The following DNAJB6 variants were observed in gnomAD, a reference collection of about 807,000 sequenced individuals.
The protein encoded by DNAJB6 is dnaJ homolog subfamily B member 6.
DNAJB6 carries 16 observed loss-of-function variants against 42.7 expected under a neutral mutation model. That is an observed-to-expected ratio of 0.37 (90% confidence interval 0.25 to 0.57). The LOEUF (loss-of-function observed/expected upper bound fraction) is 0.57, where lower values mean the gene tolerates loss of function less well. Ranked by LOEUF, DNAJB6 falls within the 20% of genes least tolerant of loss-of-function variation. DNAJB6 has a pLI of 0.74. For missense variants in DNAJB6, 347 were observed against 416.8 expected (o/e 0.83, Z 1.46); for synonymous variants, 170 against 163.5 (o/e 1.04, Z -0.30).
chr7:157,388,646 G>C (rs919789956), intron 8 of DNAJB6, among the ~76,000 whole-genome samples: 4 of 150,002 alleles, frequency 2.7e-5, no homozygotes, highest in South Asian at 2.1e-4. Flanking sequence ...TTTGGGGGGG[G>C]GGTAAGTGGT....
At chr7:157,348,401 T>C (rs1406797238) in intron 1 of DNAJB6, among the ~76,000 whole-genome samples, 1 of 152,222 alleles carries the variant, frequency 6.6e-6, no homozygotes. Flanking sequence ...GTCTTATTTT[T>C]TAATATTGCC....
chr7:157,394,589 T>C (rs1801497292), intron 8 of DNAJB6, among the ~76,000 whole-genome samples: 1 of 152,228 alleles, frequency 6.6e-6, no homozygotes, highest in Admixed American at 6.5e-5. Flanking sequence ...GGCCTCACTT[T>C]TTCCTCCTCT....
At chr7:157,393,384 G>C (rs1801439849) in intron 8 of DNAJB6, among the ~76,000 whole-genome samples, 1 of 152,042 alleles carries the variant, frequency 6.6e-6, no homozygotes, top group South Asian at 2.1e-4. Flanking sequence ...AAGTATTTTT[G>C]TCTTGTTTTC....
At chr7:157,353,601 G>GTGTT (rs1799117627) in intron 1 of DNAJB6, among the ~76,000 whole-genome samples, 1 of 147,440 alleles carries the variant, frequency 6.8e-6, no homozygotes, top group Admixed American at 6.8e-5. Context: ...GTGTGTGTGT[G>GTGTT]TGTGTGTGTG....
chr7:157,406,635 C>T (rs1430363269), intron 8 of DNAJB6, among the ~76,000 whole-genome samples: 1 of 152,106 alleles, frequency 6.6e-6, no homozygotes, highest in African/African-American at 2.4e-5. Flanking sequence ...TGGATGTGGC[C>T]GTGGAGCCTG....
At chr7:157,351,839 A>C (rs980091360) in intron 1 of DNAJB6, among the ~76,000 whole-genome samples, 3 of 151,306 alleles carry the variant, frequency 2.0e-5, no homozygotes, top group African/African-American at 7.3e-5. Flanking sequence ...AAAAAACCAC[A>C]AAAAATTAGT....
rs869242320 is a variant in DNAJB6, at chr7:157,395,684, C to CTTTT, written c.691+10088_691+10091dup. On this transcript the variant is annotated intron_variant, in intron 8 of 9. Coordinates refer to ENST00000262177, the MANE Select transcript of DNAJB6 (RefSeq NM_058246.4). Reference sequence around the variant, plus strand: ...ACATTCATTCTACGTTTTTTCTTTTCTTTTTTTTTTTTTTTTTTGAGACGG... The same window carrying CTTTT: ...ACATTCATTCTACGTTTTTTCTTTTCTTTTTTTTTTTTTTTTTTTTTTGAGACGG... 1.1e-4 allele frequency among the ~76,000 whole-genome samples: 15 copies of CTTTT among 131,878 alleles called. No individual in the cohort carries two copies. In the East Asian group the frequency reaches 2.0e-3, roughly 17 times the overall value. 86.5% of individuals were successfully genotyped at this position (131,878 alleles called of 152,430 possible). A position where few individuals can be genotyped will look rare whatever the true frequency, so the allele number is the denominator to read the frequency against.
chr7:157,400,185 C>G (rs1477571941), intron 8 of DNAJB6, among the ~76,000 whole-genome samples: 3 of 93,464 alleles, frequency 3.2e-5, no homozygotes, highest in Non-Finnish European at 6.1e-5. Flanking sequence ...AAAGCAAGTT[C>G]TAGGGAAGTG....
In DNAJB6 at chr7:157,357,225, TC is replaced by T; in HGVS notation, c.-26-1320del. ...TGTGATACTGTTGTCCTTCCTTCCT[TC>T]CTTCCTTCCTTCCTTCCTTCCTTCC... On this transcript the variant is annotated intron_variant, in intron 1 of 9. Transcript: ENST00000262177. Among the ~76,000 whole-genome samples, 3 of 72,902 alleles carry T rather than the reference TC, an allele frequency of 4.1e-5. 1 individual carries two copies. Among genetic ancestry groups the T allele is most frequent in the African/African-American group, 1.4e-4 (3 of 21,734 alleles). 47.8% of individuals were successfully genotyped at this position (72,902 alleles called of 152,430 possible).
chr7:157,363,927 CAG>C (rs1799726886), intron 3 of DNAJB6, among the ~76,000 whole-genome samples: 2 of 152,122 alleles, frequency 1.3e-5, no homozygotes, highest in East Asian at 1.9e-4. Context: ...GGAACAGTGA[CAG>C]AACTGGAAAG....
chr7:157,383,643 G>T (rs1246524553), intron 6 of DNAJB6, among the ~76,000 whole-genome samples: 2 of 149,828 alleles, frequency 1.3e-5, no homozygotes, highest in African/African-American at 2.5e-5. Context: ...GTGTGTGTGT[G>T]GTGGGGGTGT....
At chr7:157,384,813 G>A (rs1800971201) in intron 6 of DNAJB6, 54 bp from the exon 7 acceptor site, 1 of 1,550,838 alleles carries the variant, frequency 6.4e-7, no homozygotes, top group South Asian at 1.1e-5. Context: ...TCTTGTCTTT[G>A]CATTACTAGT....
chr7:157,377,369 G>A (rs1216358532), intron 5 of DNAJB6, among the ~76,000 whole-genome samples: 1 of 152,196 alleles, frequency 6.6e-6, no homozygotes, highest in Non-Finnish European at 1.5e-5. Context: ...TCCTAATGCT[G>A]TTTCAAGTAA....
chr7:157,340,998 G>GCGCGCGCACT (rs1554450093), intron 1 of DNAJB6, among the ~76,000 whole-genome samples: 3 of 134,960 alleles, frequency 2.2e-5, no homozygotes, highest in South Asian at 2.3e-4. Context: ...GTGTGTGTGT[G>GCGCGCGCACT]CGCGCGCGCA....
chr7:157,374,933 T>G (rs181161687), intron 5 of DNAJB6, among the ~76,000 whole-genome samples: 4 of 152,330 alleles, frequency 2.6e-5, no homozygotes, highest in Admixed American at 2.6e-4. Flanking sequence ...GCCTGAGTCC[T>G]TTGTCAGTTT....
intron 8 of DNAJB6, among the ~76,000 whole-genome samples, chr7:157,387,029 C>T (rs139158796): frequency 2.6e-4 from 39 of 151,908 alleles, no homozygotes; most frequent in Non-Finnish European, 4.9e-4. Flanking sequence ...TGTTTTGGAA[C>T]TAAACAGCGT....
intron 1 of DNAJB6, among the ~76,000 whole-genome samples, chr7:157,354,716 A>G (rs1799183796): frequency 6.6e-6 from 1 of 152,184 alleles, no homozygotes; most frequent in South Asian, 2.1e-4. Context: ...AGGTCAGGGT[A>G]AGGGATAATG....
chr7:157,350,046 C>T (rs1175178191), intron 1 of DNAJB6, among the ~76,000 whole-genome samples: 1 of 152,170 alleles, frequency 6.6e-6, no homozygotes, highest in Non-Finnish European at 1.5e-5. Flanking sequence ...TTCTCTGTCC[C>T]CAGAACACTG....
At chr7:157,386,134 A>T (rs1801044998) in intron 8 of DNAJB6, 2 of 943,270 alleles carry the variant, frequency 2.1e-6, no homozygotes, top group Non-Finnish European at 2.5e-6. Context: ...AATATAAATT[A>T]AGGATGTTTT....
Sources: gnomAD v4.1 joint callset for allele counts (sites outside exome capture counted in the v4.1 genomes callset) on GRCh38, gnomAD v4.1.1 for gene constraint, MANE v1.5 for transcripts, NCBI Gene and HGNC (gene_info 2026-07-23, HGNC 2026-07-21) for gene names.